ZNF148: variants seen among roughly 807,000 people sequenced by gnomAD.
ZNF148 encodes zinc finger protein 148.
ZNF148 carries 7 observed loss-of-function variants against 67.7 expected under a neutral mutation model. That is an observed-to-expected ratio of 0.10 (90% CI 0.06 to 0.19). The LOEUF (loss-of-function observed/expected upper bound fraction) is 0.19, where lower values mean the gene tolerates loss of function less well. Among genes scored for constraint, ZNF148 ranks in the 10% least tolerant of loss-of-function variants. The pLI is 1.00. For synonymous variants in ZNF148, 333 were observed against 330.7 expected (o/e 1.01, Z -0.08); for missense variants, 583 against 947.1 (o/e 0.62, Z 5.05).
intron 1 of ZNF148, among the ~76,000 whole-genome samples, chr3:125,352,773 TTA>T (rs1942202094): frequency 6.6e-6 from 1 of 151,966 alleles, no homozygotes; most frequent in Non-Finnish European, 1.5e-5. Context: ...ATTCTAAAAT[TTA>T]TATGGAAAGG....
In ZNF148 at chr3:125,231,896, T is replaced by C. The variant is rs2107827494; in HGVS notation, c.*445A>G. 1 of 156,718 alleles carries C rather than the reference T, an allele frequency of 6.4e-6. No individual in the cohort carries two copies. Among genetic ancestry groups the C allele is most frequent in the South Asian group, 1.9e-4 (1 of 5,166 alleles). The allele number at this position is 156,718 out of a possible 1,614,324, so 9.7% of individuals were successfully genotyped here. On this transcript the variant is annotated 3_prime_UTR_variant, in exon 9 of 9. Transcript: ENST00000360647. Reference sequence around the variant, plus strand: ...TATTTAAGCCATAATCTCTTGACATTAAACTTTTAAGTTCACTCTGTCTGT... The same window carrying C: ...TATTTAAGCCATAATCTCTTGACATCAAACTTTTAAGTTCACTCTGTCTGT...
rs1020103242 is a variant in ZNF148 at position 125,341,712 on chromosome 3, G to C, written c.-233-10474C>G. Among the ~76,000 whole-genome samples the C allele has an allele frequency of 2.0e-5, 3 of 152,008 alleles. No individual in the cohort carries two copies. The South Asian group carries it at 6.2e-4, about 32-fold the overall frequency. On this transcript the variant is annotated intron_variant, in intron 1 of 8. Coordinates refer to ENST00000360647, the MANE Select transcript of ZNF148 (RefSeq NM_021964.3). ...GTGGGCTCAATAAAAACATAGAGAT[G>C]GGCTAGGCATGGTGGCTCGTGCCTG...
At chr3:125,342,083 A>G (rs894266711) in intron 1 of ZNF148, among the ~76,000 whole-genome samples, 4 of 151,994 alleles carry the variant, frequency 2.6e-5, no homozygotes, top group African/African-American at 9.7e-5. Flanking sequence ...GAACAAGAGA[A>G]GAAAATAAAT....
chr3:125,273,650 C>T (rs763234458), intron 7 of ZNF148, among the ~76,000 whole-genome samples: 6 of 151,990 alleles, frequency 3.9e-5, no homozygotes, highest in Admixed American at 2.0e-4. Flanking sequence ...TGTGCCACCA[C>T]GCCTGGCTAA....
rs868515306 is a variant in ZNF148 at position 125,258,238 on chromosome 3, C to T, written c.667+19488G>A. Among the ~76,000 whole-genome samples the T allele has an allele frequency of 6.7e-4, 101 of 151,632 alleles. 1 individual carries two copies. The highest frequency in any genetic ancestry group is 7.2e-4 in the Admixed American group (11 of 15,224). ...GAGATCGAAACCATCCTGGCTAACA[C>T]GGTGAAACCCCATCTCTACTAAAAA... On this transcript the variant is annotated intron_variant, in intron 7 of 8. Transcript: ENST00000360647.
rs577309479 is a variant in ZNF148, at chr3:125,284,570, C to T, written c.459+3533G>A. ...CTCCTAGAGGGCTTCAACTGCAATACGCAATTTTAAAAAATGTTTATGTCA... is the reference window on the plus strand; with the variant it reads ...CTCCTAGAGGGCTTCAACTGCAATATGCAATTTTAAAAAATGTTTATGTCA... On this transcript the variant is annotated intron_variant, in intron 5 of 8. Coordinates refer to ENST00000360647, the MANE Select transcript of ZNF148 (RefSeq NM_021964.3). Among the ~76,000 whole-genome samples the T allele has an allele frequency of 7.9e-5, 12 of 152,060 alleles. No individual in the cohort carries two copies. The South Asian group carries it at 1.2e-3, about 16-fold the overall frequency.
In ZNF148 at chr3:125,228,648, G is replaced by A. The variant is rs990950669; in HGVS notation, c.*3693C>T. The A allele has an allele frequency of 1.3e-5, 2 of 152,466 alleles. No homozygotes were observed. Among genetic ancestry groups the A allele is most frequent in the Non-Finnish European group, 2.9e-5 (2 of 67,996 alleles). The allele number at this position is 152,466 out of a possible 1,614,324, so 9.4% of individuals were successfully genotyped here. On this transcript the variant is annotated 3_prime_UTR_variant, in exon 9 of 9. Transcript: ENST00000360647. ...GCTGTAAAAACATTACATACTTTCA[G>A]ACAATACAAATTAGCACATTGGTAC...
At chr3:125,341,111 A>G (rs189175709) in intron 1 of ZNF148, among the ~76,000 whole-genome samples, 399 of 151,818 alleles carry the variant, frequency 2.6e-3, no homozygotes, top group Admixed American at 8.7e-3. Context: ...AGATGTTGGA[A>G]TTTGACAAGA....
At chr3:125,307,406 C>T (rs1055559002) in intron 4 of ZNF148, among the ~76,000 whole-genome samples, 7 of 151,992 alleles carry the variant, frequency 4.6e-5, no homozygotes, top group Admixed American at 3.9e-4. Context: ...CGCATTCACG[C>T]CATTCTCCTG....
intron 7 of ZNF148, among the ~76,000 whole-genome samples, chr3:125,246,143 C>G (rs1384133565): frequency 6.6e-6 from 1 of 152,080 alleles, no homozygotes; most frequent in Non-Finnish European, 1.5e-5. Context: ...AAAATGGTAT[C>G]CACTGTTGTA....
At chr3:125,346,706 G>T (rs1012867425) in intron 1 of ZNF148, among the ~76,000 whole-genome samples, 13 of 152,256 alleles carry the variant, frequency 8.5e-5, no homozygotes, top group East Asian at 7.7e-4. Context: ...ATGTGAAGAA[G>T]GTCCTTATCT....
At chr3:125,304,862 T>C (rs541067806) in intron 4 of ZNF148, among the ~76,000 whole-genome samples, 2 of 152,226 alleles carry the variant, frequency 1.3e-5, no homozygotes, top group South Asian at 2.1e-4. Context: ...AGGGGGTCCT[T>C]GGAGAAATGG....
Position 125,229,704 on chromosome 3 carries a change from T to A in ZNF148, c.*2637A>T, listed in dbSNP as rs980184650. ...ACTTTGAGAAATGAGAAACATGAAT[T>A]GCAGAAGAATATCTCATATCCTCCA... is the stretch of plus-strand genomic sequence containing the variant. On this transcript the variant is annotated 3_prime_UTR_variant, in exon 9 of 9. Transcript: ENST00000360647. The A allele has an allele frequency of 6.6e-6, 1 of 152,120 alleles. No homozygotes were observed. The highest frequency in any genetic ancestry group is 6.6e-5 in the Admixed American group (1 of 15,256). The allele number at this position is 152,120 out of a possible 1,614,324, so 9.4% of individuals were successfully genotyped here. A position where few individuals can be genotyped will look rare whatever the true frequency, so the allele number is the denominator to read the frequency against.
chr3:125,247,444 C>CTT (rs34643582), intron 7 of ZNF148, among the ~76,000 whole-genome samples: 2 of 149,430 alleles, frequency 1.3e-5, no homozygotes, highest in African/African-American at 4.9e-5. Context: ...AGCAGGAAAA[C>CTT]TTTTTTTTTT....
At chr3:125,290,267 T>A (rs1361399276) in intron 4 of ZNF148, among the ~76,000 whole-genome samples, 1 of 152,188 alleles carries the variant, frequency 6.6e-6, no homozygotes, top group South Asian at 2.1e-4. Flanking sequence ...ACCTATAGTG[T>A]CATGCTTCCT....
rs1176012029 is a variant in ZNF148, at chr3:125,229,532, T to A, written c.*2809A>T. On this transcript the variant is annotated 3_prime_UTR_variant, in exon 9 of 9. Coordinates refer to ENST00000360647, the MANE Select transcript of ZNF148 (RefSeq NM_021964.3). ...GAGAATAAGGTTTTAAAAAACCCTT[T>A]AGAAGATGTTCAAGAGATACTGCCT... The A allele has an allele frequency of 3.3e-5, 5 of 152,184 alleles. No individual in the cohort carries two copies. The highest frequency in any genetic ancestry group is 7.3e-5 in the Non-Finnish European group (5 of 68,028). 9.4% of individuals were successfully genotyped at this position (152,184 alleles called of 1,614,324 possible). A position where few individuals can be genotyped will look rare whatever the true frequency, so the allele number is the denominator to read the frequency against.
Position 125,313,464 on chromosome 3 carries a change from A to T in ZNF148, c.177T>A (p.Ala59=). 6.2e-7 allele frequency: 1 copy of T among 1,614,130 alleles called. No homozygotes were observed. The highest frequency in any genetic ancestry group is 1.6e-4 in the Middle Eastern group (1 of 6,062). The change falls in exon 4 of 9, where the codon GCT becomes GCA. Residue 59 remains alanine, a synonymous_variant. Transcript: ENST00000360647. ...DRSMPHQEIL[A]ADEVLQESEM... Reference sequence around the variant, plus strand: ...CACTTTCTTGTAACACTTCATCTGCAGCAAGGATCTCCTGGTGAGGCATAC... The same window carrying T: ...CACTTTCTTGTAACACTTCATCTGCTGCAAGGATCTCCTGGTGAGGCATAC...
chr3:125,341,313 AT>A (rs914580213), intron 1 of ZNF148, among the ~76,000 whole-genome samples: 6 of 144,296 alleles, frequency 4.2e-5, no homozygotes, highest in African/African-American at 1.6e-4. Context: ...CTACAGAAAA[AT>A]TTAAAAAAAA....
chr3:125,248,717 G>T (rs1644766788), intron 7 of ZNF148, among the ~76,000 whole-genome samples: 1 of 152,136 alleles, frequency 6.6e-6, no homozygotes, highest in Non-Finnish European at 1.5e-5. Context: ...CAGAAACATG[G>T]TTTAGGTGCT....
Sources: gnomAD v4.1 joint callset for allele counts (sites outside exome capture counted in the v4.1 genomes callset) on GRCh38, gnomAD v4.1.1 for gene constraint, MANE v1.5 for transcripts, NCBI Gene and HGNC (gene_info 2026-07-23, HGNC 2026-07-21) for gene names.